CADPS2: variants seen among roughly 807,000 people sequenced by gnomAD.
The protein encoded by CADPS2 is calcium dependent secretion activator 2.
In CADPS2, 93 loss-of-function variants were observed where a neutral mutation model predicts 172.5. That is an observed-to-expected ratio of 0.54 (90% CI 0.46 to 0.64). CADPS2 has a LOEUF of 0.64. CADPS2 is among the 30% of genes least tolerant of loss of function. CADPS2 has a pLI of 0.00. For synonymous variants in CADPS2, 546 were observed against 555.2 expected, an observed-to-expected ratio of 0.98 and a Z score of 0.23; for missense variants, 1,420 against 1,565.9, an observed-to-expected ratio of 0.91 and a Z score of 1.57.
At chr7:122,601,255 A>C (rs1193201535) in intron 6 of CADPS2, among the ~76,000 whole-genome samples, 1 of 152,080 alleles carries the variant, frequency 6.6e-6, no homozygotes, top group Non-Finnish European at 1.5e-5. Flanking sequence ...ATTCAGTATG[A>C]TCCAAATGCT....
chr7:122,686,472 C>T (rs746662309), intron 2 of CADPS2, among the ~76,000 whole-genome samples: 67 of 152,146 alleles, frequency 4.4e-4, no homozygotes, highest in Non-Finnish European at 6.6e-4. Context: ...TTCTTAAACT[C>T]GAGTACGCAT....
At chr7:122,721,502 C>A (rs1335606227) in intron 2 of CADPS2, among the ~76,000 whole-genome samples, 1 of 152,112 alleles carries the variant, frequency 6.6e-6, no homozygotes, top group Non-Finnish European at 1.5e-5. Flanking sequence ...GAAGTTGAAT[C>A]TCTGAATAGA....
At chr7:122,379,735 T>C (rs573263675) in intron 24 of CADPS2, among the ~76,000 whole-genome samples, 1 of 152,128 alleles carries the variant, frequency 6.6e-6, no homozygotes, top group African/African-American at 2.4e-5. Context: ...ATACTTTTTG[T>C]CTTCTCCTCT....
At chr7:122,808,407 A>C (rs191423636) in intron 1 of CADPS2, among the ~76,000 whole-genome samples, 19 of 152,362 alleles carry the variant, frequency 1.2e-4, no homozygotes, top group African/African-American at 4.6e-4. Context: ...AATCTTAACT[A>C]CTGTGACAAC....
chr7:122,727,675 C>A (rs1307594348), intron 2 of CADPS2, among the ~76,000 whole-genome samples: 1 of 151,844 alleles, frequency 6.6e-6, no homozygotes. Context: ...CATGCATTAT[C>A]CAGTCTTCAT....
chr7:122,742,746 A>T (rs1323403017), intron 1 of CADPS2, among the ~76,000 whole-genome samples: 3 of 152,216 alleles, frequency 2.0e-5, no homozygotes. Context: ...TGCTAGATGT[A>T]TCTGAGCCAC....
intron 8 of CADPS2, among the ~76,000 whole-genome samples, chr7:122,518,247 C>T (rs1337817841): frequency 6.6e-6 from 1 of 151,844 alleles, no homozygotes; most frequent in East Asian, 1.9e-4. Context: ...GAAAATATAA[C>T]TTGATCTTTA....
At chr7:122,533,438 T>G (rs548537561) in intron 8 of CADPS2, among the ~76,000 whole-genome samples, 2 of 152,174 alleles carry the variant, frequency 1.3e-5, no homozygotes, top group Non-Finnish European at 2.9e-5. Flanking sequence ...CTATTTTAAA[T>G]GTACACCCAT....
chr7:122,848,097 C>T (rs1281402444), intron 1 of CADPS2, among the ~76,000 whole-genome samples: 1 of 152,160 alleles, frequency 6.6e-6, no homozygotes, highest in Non-Finnish European at 1.5e-5. Flanking sequence ...AATATTTTGC[C>T]TATAGCTAAT....
chr7:122,380,814 A>G (rs959242003), intron 24 of CADPS2, among the ~76,000 whole-genome samples: 2 of 152,062 alleles, frequency 1.3e-5, no homozygotes, highest in Non-Finnish European at 1.5e-5. Flanking sequence ...GCCTTTATTG[A>G]TTCCCAAGTT....
At chr7:122,578,627 G>A (rs935651028) in intron 7 of CADPS2, among the ~76,000 whole-genome samples, 2 of 151,986 alleles carry the variant, frequency 1.3e-5, no homozygotes, top group South Asian at 2.1e-4. Flanking sequence ...AACACCTGTC[G>A]GGCCTGCTAC....
intron 15 of CADPS2, among the ~76,000 whole-genome samples, chr7:122,442,432 C>T (rs932142380): frequency 2.0e-5 from 3 of 152,154 alleles, no homozygotes; most frequent in Admixed American, 2.0e-4. Flanking sequence ...GGCAGCTGGG[C>T]TGTACTTAGG....
At chr7:122,541,083 G>A (rs1329769513) in intron 8 of CADPS2, among the ~76,000 whole-genome samples, 1 of 151,690 alleles carries the variant, frequency 6.6e-6, no homozygotes, top group African/African-American at 2.4e-5. Context: ...TACACACAGA[G>A]AAACAAAAAT....
chr7:122,720,174 C>T (rs1200492004), intron 2 of CADPS2, among the ~76,000 whole-genome samples: 1 of 151,988 alleles, frequency 6.6e-6, no homozygotes, highest in East Asian at 1.9e-4. Context: ...CCTAACGAGT[C>T]ATTCTAGAGT....
chr7:122,625,845 A>G (rs1281955137), intron 4 of CADPS2, among the ~76,000 whole-genome samples: 1 of 152,142 alleles, frequency 6.6e-6, no homozygotes, highest in Non-Finnish European at 1.5e-5. Context: ...CTACTTTTTA[A>G]TATTATATAC....
intron 3 of CADPS2, among the ~76,000 whole-genome samples, chr7:122,648,229 T>A (rs906007840): frequency 5.9e-5 from 9 of 152,118 alleles, no homozygotes; most frequent in African/African-American, 2.2e-4. Flanking sequence ...TAAATCCTTG[T>A]GTCCACAGAA....
At chr7:122,678,884 T>C (rs2082666273) in intron 2 of CADPS2, among the ~76,000 whole-genome samples, 1 of 151,762 alleles carries the variant, frequency 6.6e-6, no homozygotes, top group African/African-American at 2.4e-5. Flanking sequence ...GAACATAAAT[T>C]GTGAAGATTT....
intron 13 of CADPS2, among the ~76,000 whole-genome samples, chr7:122,473,780 GT>G (rs970996932): frequency 6.6e-6 from 1 of 152,134 alleles, no homozygotes; most frequent in African/African-American, 2.4e-5. Context: ...TATCCCAAAT[GT>G]TGGCTACAAT....
At chr7:122,628,285 A>G (rs538634654) in intron 4 of CADPS2, among the ~76,000 whole-genome samples, 33 of 152,328 alleles carry the variant, frequency 2.2e-4, no homozygotes, top group African/African-American at 7.7e-4. Flanking sequence ...CAGAAGTAAA[A>G]AAATAATTGT....
Sources: gnomAD v4.1 joint callset for allele counts (sites outside exome capture counted in the v4.1 genomes callset) on GRCh38, gnomAD v4.1.1 for gene constraint, MANE v1.5 for transcripts, NCBI Gene and HGNC (gene_info 2026-07-23, HGNC 2026-07-21) for gene names.